ERG: variants seen among roughly 807,000 people sequenced by gnomAD.
ERG encodes the protein transcriptional regulator ERG.
ERG carries 9 observed loss-of-function variants against 55.3 expected under a neutral mutation model. The observed-to-expected ratio is 0.16, with a 90% CI of 0.10 to 0.28. The LOEUF is 0.28. ERG is among the 10% of genes least tolerant of loss of function. The pLI is 1.00. For missense variants in ERG, 434 were observed against 631.6 expected (o/e 0.69, Z 3.35); for synonymous variants, 223 against 237.3 (o/e 0.94, Z 0.55).
chr21:38,490,488 T>C (rs2059326139), intron 1 of ERG, among the ~76,000 whole-genome samples: 1 of 152,226 alleles, frequency 6.6e-6, no homozygotes, highest in African/African-American at 2.4e-5. Flanking sequence ...TGTGAGGCTG[T>C]GGCTTGCCAA....
At chr21:38,607,379 C>T (rs1216935178) in intron 1 of ERG, among the ~76,000 whole-genome samples, 1 of 152,196 alleles carries the variant, frequency 6.6e-6, no homozygotes, top group East Asian at 1.9e-4. Context: ...TGGCTCACGC[C>T]TGTAATCCCA....
intron 2 of ERG, among the ~76,000 whole-genome samples, chr21:38,523,644 C>A (rs2059610784): frequency 6.6e-6 from 1 of 152,106 alleles, no homozygotes; most frequent in Non-Finnish European, 1.5e-5. Context: ...TCCGTAAAAC[C>A]CCAGTTACCC....
chr21:38,464,670 C>T (rs553173446), intron 1 of ERG, among the ~76,000 whole-genome samples: 2 of 152,054 alleles, frequency 1.3e-5, no homozygotes, highest in East Asian at 3.9e-4. Flanking sequence ...CACCCATCAA[C>T]CCATCATCTA....
chr21:38,595,416 A>G (rs972028764), intron 1 of ERG, among the ~76,000 whole-genome samples: 3 of 152,158 alleles, frequency 2.0e-5, no homozygotes, highest in Non-Finnish European at 4.4e-5. Flanking sequence ...GGAAGAGAGG[A>G]GAGCAGGATG....
intron 2 of ERG, among the ~76,000 whole-genome samples, chr21:38,568,045 C>T (rs73429432): frequency 0.017 from 2,622 of 152,250 alleles, 78 homozygotes; most frequent in African/African-American, 0.059. Context: ...AGAAGTGCTT[C>T]AGTTCACTTC....
chr21:38,452,630 A>G (rs1032856580), intron 1 of ERG, among the ~76,000 whole-genome samples: 2 of 152,256 alleles, frequency 1.3e-5, no homozygotes, highest in African/African-American at 4.8e-5. Flanking sequence ...AAAGATACAG[A>G]GAACCTGGCT....
chr21:38,494,007 AT>A (rs2059359698), intron 1 of ERG, among the ~76,000 whole-genome samples: 2 of 152,230 alleles, frequency 1.3e-5, no homozygotes, highest in Admixed American at 6.5e-5. Context: ...GGCATCTGCC[AT>A]TTATTGAGGA....
At chr21:38,529,880 C>G (rs1001555468) in intron 2 of ERG, among the ~76,000 whole-genome samples, 1 of 151,866 alleles carries the variant, frequency 6.6e-6, no homozygotes, top group African/African-American at 2.4e-5. Flanking sequence ...GTAGGAGAAT[C>G]ACTTGAACCC....
intron 2 of ERG, among the ~76,000 whole-genome samples, chr21:38,435,142 G>C (rs371145630): frequency 6.6e-6 from 1 of 152,096 alleles, no homozygotes; most frequent in Admixed American, 6.5e-5. Context: ...AGGCTGGCCC[G>C]GGACAAGCAT....
intron 2 of ERG, among the ~76,000 whole-genome samples, chr21:38,445,138 C>CG (rs2058878492): frequency 7.3e-6 from 1 of 136,664 alleles, no homozygotes; most frequent in African/African-American, 2.7e-5. Context: ...CTTTCTTCTT[C>CG]TTTTTTTTTT....
intron 2 of ERG, among the ~76,000 whole-genome samples, chr21:38,505,569 G>A (rs190731404): frequency 1.3e-5 from 2 of 152,300 alleles, no homozygotes; most frequent in Non-Finnish European, 1.5e-5. Context: ...CACATGTTTT[G>A]GGAAAGGCTG....
chr21:38,374,517 C>A, the ERG span, among the ~76,000 whole-genome samples: 1 of 152,184 alleles, frequency 6.6e-6, no homozygotes, highest in Admixed American at 6.5e-5. Flanking sequence ...CTCCACATTC[C>A]TTTGTTACTA....
At chr21:38,611,933 A>AC (rs2146929827) in intron 1 of ERG, among the ~76,000 whole-genome samples, 1 of 152,052 alleles carries the variant, frequency 6.6e-6, no homozygotes, top group African/African-American at 2.4e-5. Context: ...CAGGAGGAAA[A>AC]AAAGCGGGGG....
intron 1 of ERG, among the ~76,000 whole-genome samples, chr21:38,613,668 C>T (rs2060241848): frequency 6.6e-6 from 1 of 152,212 alleles, no homozygotes; most frequent in South Asian, 2.1e-4. Context: ...CAATCAACAC[C>T]ACTGACAGTG....
At chr21:38,582,352 T>C (rs553102561) in intron 1 of ERG, among the ~76,000 whole-genome samples, 2 of 152,334 alleles carry the variant, frequency 1.3e-5, no homozygotes, top group East Asian at 1.9e-4. Context: ...TAACTTCCGG[T>C]AGTCAGTGTC....
chr21:38,487,987 A>G (rs1343640764), intron 1 of ERG, among the ~76,000 whole-genome samples: 1 of 152,126 alleles, frequency 6.6e-6, no homozygotes, highest in Non-Finnish European at 1.5e-5. Context: ...ACATGACAGC[A>G]TCTCACCATG....
At chr21:38,512,593 A>G (rs991603546) in intron 2 of ERG, among the ~76,000 whole-genome samples, 2 of 152,220 alleles carry the variant, frequency 1.3e-5, no homozygotes, top group Admixed American at 6.5e-5. Flanking sequence ...AAATATTCAA[A>G]GTATAATAAG....
At chr21:38,398,893 C>G (rs1231197730) in intron 6 of ERG, among the ~76,000 whole-genome samples, 1 of 152,116 alleles carries the variant, frequency 6.6e-6, no homozygotes, top group African/African-American at 2.4e-5. Flanking sequence ...TATGAGATGT[C>G]TTAACATAAA....
chr21:38,405,406 G>A (rs1321582473), intron 3 of ERG, among the ~76,000 whole-genome samples: 2 of 152,066 alleles, frequency 1.3e-5, no homozygotes, highest in African/African-American at 2.4e-5. Context: ...ATGCATACGC[G>A]TGAATGAGTC....
Sources: allele counts gnomAD v4.1 joint callset (sites outside exome capture counted in the v4.1 genomes callset), GRCh38; gene constraint gnomAD v4.1.1; transcripts MANE v1.5; gene names NCBI Gene and HGNC (gene_info 2026-07-23, HGNC 2026-07-21).